Variants in SPHKAP observed in about 807,000 individuals in gnomAD.
SPHKAP encodes the protein SPHK1 interactor, AKAP domain containing.
SPHKAP carries 67 observed loss-of-function variants against 137.5 expected under a neutral mutation model. The ratio of observed to expected loss-of-function variants is 0.49; its 90% CI spans 0.40 to 0.60. The LOEUF (loss-of-function observed/expected upper bound fraction) is 0.60, where lower values mean the gene tolerates loss of function less well. Ranked by LOEUF, SPHKAP falls within the 20% of genes least tolerant of loss-of-function variation. The probability of loss-of-function intolerance (pLI) is 0.00; values close to 1 mark genes in which losing one functional copy is unlikely to be tolerated. For synonymous variants in SPHKAP, 813 were observed against 785.3 expected, an observed-to-expected ratio of 1.04 and a Z score of -0.59; for missense variants, 2,097 against 2,069.3, an observed-to-expected ratio of 1.01 and a Z score of -0.26.
At chr2:228,061,432 C>A (rs1367816100) in intron 3 of SPHKAP, among the ~76,000 whole-genome samples, 3 of 151,924 alleles carry the variant, frequency 2.0e-5, no homozygotes, top group Admixed American at 1.3e-4. Flanking sequence ...CCATGCCCAG[C>A]TAATTTTGTA....
intron 3 of SPHKAP, among the ~76,000 whole-genome samples, chr2:228,032,709 T>A (rs931945475): frequency 1.3e-5 from 2 of 151,802 alleles, no homozygotes; most frequent in Admixed American, 6.6e-5. Context: ...CAGAAAAGAG[T>A]AGGGACCAAT....
At position 228,017,111 on chromosome 2, in the gene SPHKAP, C is replaced by G; in HGVS notation, c.3743G>C (p.Arg1248Thr). Residue 1248 changes from arginine to threonine, a missense_variant, in exon 7 of 12, where the codon AGG becomes ACG. Coordinates refer to ENST00000392056, the MANE Select transcript of SPHKAP (RefSeq NM_001142644.2). ...TTTGATGGGCACATTCACTGTCAGC[C>G]TGGAGCATGGGGATCTGCTGTCTGG... Reference protein sequence around the residue: ...SMPDSRSPCSRLTVNVPIKAN... With the variant: ...SMPDSRSPCSTLTVNVPIKAN... 1 of 1,614,068 alleles carries G rather than the reference C, an allele frequency of 6.2e-7. No individual in the cohort carries two copies. The highest frequency in any genetic ancestry group is 8.5e-7 in the Non-Finnish European group (1 of 1,180,018).
chr2:228,008,893 C>A (rs1694249384), intron 7 of SPHKAP, among the ~76,000 whole-genome samples: 1 of 152,124 alleles, frequency 6.6e-6, no homozygotes, highest in African/African-American at 2.4e-5. Context: ...AGTAAATCAT[C>A]ATGTCAGGTA....
At chr2:228,120,546 C>T (rs545660256) in intron 2 of SPHKAP, among the ~76,000 whole-genome samples, 1 of 152,262 alleles carries the variant, frequency 6.6e-6, no homozygotes, top group East Asian at 1.9e-4. Context: ...AAGAAATGAC[C>T]TGCATAGCTT....
chr2:228,074,533 C>T (rs913022046), intron 3 of SPHKAP, among the ~76,000 whole-genome samples: 1 of 152,092 alleles, frequency 6.6e-6, no homozygotes, highest in Non-Finnish European at 1.5e-5. Context: ...GAACCACTCA[C>T]TATCACCAGA....
chr2:228,135,590 G>A (rs1351607647), intron 1 of SPHKAP, among the ~76,000 whole-genome samples: 1 of 152,152 alleles, frequency 6.6e-6, no homozygotes, highest in African/African-American at 2.4e-5. Flanking sequence ...TGCCTCTAAG[G>A]TGACTGTACA....
chr2:228,031,865 A>C (rs1051085002), intron 3 of SPHKAP, among the ~76,000 whole-genome samples: 2 of 152,226 alleles, frequency 1.3e-5, no homozygotes, highest in Non-Finnish European at 2.9e-5. Context: ...AAGGACATCC[A>C]CACCAAAAAC....
chr2:228,110,572 T>C (rs1275685965), intron 2 of SPHKAP, among the ~76,000 whole-genome samples: 1 of 152,204 alleles, frequency 6.6e-6, no homozygotes, highest in Non-Finnish European at 1.5e-5. Context: ...TCAGGGTCCC[T>C]GAAATCTTTC....
At chr2:228,158,866 G>T (rs1700188953) in intron 1 of SPHKAP, among the ~76,000 whole-genome samples, 1 of 152,138 alleles carries the variant, frequency 6.6e-6, no homozygotes, top group African/African-American at 2.4e-5. Context: ...AAGAAAAATT[G>T]AATTTACCCT....
At chr2:228,034,571 C>G (rs1233855918) in intron 3 of SPHKAP, among the ~76,000 whole-genome samples, 2 of 152,046 alleles carry the variant, frequency 1.3e-5, no homozygotes, top group Non-Finnish European at 2.9e-5. Context: ...GACAGAGATA[C>G]AACCAAAAAA....
At chr2:228,162,760 G>T (rs5020145) in intron 1 of SPHKAP, among the ~76,000 whole-genome samples, 10,515 of 152,066 alleles carry the variant, frequency 0.069, 408 homozygotes, top group Non-Finnish European at 0.082. Flanking sequence ...GTGCAATGGC[G>T]CAATCTTGGC....
intron 1 of SPHKAP, among the ~76,000 whole-genome samples, chr2:228,137,586 T>A (rs2106382195): frequency 6.6e-6 from 1 of 152,306 alleles, no homozygotes; most frequent in East Asian, 1.9e-4. Flanking sequence ...ATGCTCTTGG[T>A]GAAATGTAGT....
At chr2:228,141,125 G>T (rs1699593608) in intron 1 of SPHKAP, among the ~76,000 whole-genome samples, 2 of 152,154 alleles carry the variant, frequency 1.3e-5, no homozygotes, top group Admixed American at 6.5e-5. Flanking sequence ...TAAGTGCTTT[G>T]CTTCTGTGAC....
intron 3 of SPHKAP, among the ~76,000 whole-genome samples, chr2:228,050,059 C>T (rs969351911): frequency 3.9e-5 from 6 of 152,066 alleles, no homozygotes; most frequent in South Asian, 4.1e-4. Flanking sequence ...TAAAAAAACA[C>T]GTACAAGTGG....
chr2:228,034,509 A>C (rs1695497132), intron 3 of SPHKAP, among the ~76,000 whole-genome samples: 1 of 152,162 alleles, frequency 6.6e-6, no homozygotes, highest in African/African-American at 2.4e-5. Context: ...AAAAAGAGGG[A>C]ATCCTCCCTA....
intron 1 of SPHKAP, among the ~76,000 whole-genome samples, chr2:228,176,125 A>G (rs140749582): frequency 1.3e-5 from 2 of 152,356 alleles, no homozygotes; most frequent in African/African-American, 4.8e-5. Flanking sequence ...CCCAGAGTGG[A>G]TAACCAATCA....
intron 3 of SPHKAP, among the ~76,000 whole-genome samples, chr2:228,041,077 T>C (rs2106258040): frequency 6.6e-6 from 1 of 152,294 alleles, no homozygotes; most frequent in East Asian, 1.9e-4. Context: ...AAAATTAACA[T>C]ATTAAAAATA....
chr2:228,069,006 G>T (rs1330842771), intron 3 of SPHKAP, among the ~76,000 whole-genome samples: 1 of 152,150 alleles, frequency 6.6e-6, no homozygotes, highest in African/African-American at 2.4e-5. Context: ...TTAAAACTGG[G>T]CAAAGATCCC....
chr2:228,105,414 C>CTACCCCTCATTTCCTACCCCTCA (rs1458106600), intron 3 of SPHKAP, among the ~76,000 whole-genome samples: 11 of 152,112 alleles, frequency 7.2e-5, no homozygotes, highest in Non-Finnish European at 1.6e-4. Flanking sequence ...CCCTCATTTC[C>CTACCCCTCATTTCCTACCCCTCA]TTTCTTTTAA....
Sources: gnomAD v4.1 joint callset for allele counts (sites outside exome capture counted in the v4.1 genomes callset) on GRCh38, gnomAD v4.1.1 for gene constraint, MANE v1.5 for transcripts, NCBI Gene and HGNC (gene_info 2026-07-23, HGNC 2026-07-21) for gene names.